Variants in FAM241A observed in about 807,000 individuals in gnomAD.
The protein encoded by FAM241A is uncharacterized protein FAM241A.
Under a neutral mutation model 12.2 loss-of-function variants are expected in FAM241A, and 7 were observed. The ratio of observed to expected loss-of-function variants is 0.58; its 90% CI spans 0.33 to 1.08. The LOEUF (loss-of-function observed/expected upper bound fraction) is 1.08, where lower values mean the gene tolerates loss of function less well. FAM241A is among the 50% of genes least tolerant of loss of function. The pLI, the probability that FAM241A is intolerant of heterozygous loss-of-function variation, is 0.04. For synonymous variants in FAM241A, 74 were observed against 68.2 expected (o/e 1.08, Z -0.42); for missense variants, 161 against 169.7 (o/e 0.95, Z 0.29).
chr4:112,183,944 G>C (rs931620889), intron 1 of FAM241A, among the ~76,000 whole-genome samples: 5 of 151,864 alleles, frequency 3.3e-5, no homozygotes, highest in Non-Finnish European at 5.9e-5. Flanking sequence ...AATTGACCCA[G>C]TCATAATATA....
Position 112,190,389 on chromosome 4 carries a change from G to A in FAM241A, c.*3451G>A, listed in dbSNP as rs1165216460. 1 of 152,034 alleles carries A rather than the reference G, an allele frequency of 6.6e-6. No homozygotes were observed. The highest frequency in any genetic ancestry group is 1.5e-5 in the Non-Finnish European group (1 of 68,000). The allele number at this position is 152,034 out of a possible 1,614,324, so 9.4% of individuals were successfully genotyped here. A position where few individuals can be genotyped will look rare whatever the true frequency, so the allele number is the denominator to read the frequency against. Reference sequence around the variant, plus strand: ...TACAATTGAAGGGAGAAAAAAAAATGTAAGACGGCCAGGCGCGGTGGCTCA... The same window carrying A: ...TACAATTGAAGGGAGAAAAAAAAATATAAGACGGCCAGGCGCGGTGGCTCA... On this transcript the variant is annotated 3_prime_UTR_variant, in exon 2 of 2. Transcript: ENST00000309733.
chr4:112,171,738 A>G (rs1723725634), intron 1 of FAM241A, among the ~76,000 whole-genome samples: 1 of 152,142 alleles, frequency 6.6e-6, no homozygotes, highest in South Asian at 2.1e-4. Flanking sequence ...GGGCGCCTGT[A>G]GTCCCAGCTA....
At chr4:112,148,831 CATTAT>C (rs1723190139) in intron 1 of FAM241A, among the ~76,000 whole-genome samples, 1 of 152,154 alleles carries the variant, frequency 6.6e-6, no homozygotes, top group African/African-American at 2.4e-5. Flanking sequence ...ATCTCTAGTC[CATTAT>C]TATATGCCTT....
At chr4:112,156,359 C>G (rs555566467) in intron 1 of FAM241A, among the ~76,000 whole-genome samples, 1 of 152,220 alleles carries the variant, frequency 6.6e-6, no homozygotes, top group Non-Finnish European at 1.5e-5. Flanking sequence ...ACCTCCCACC[C>G]CATAATCCTC....
Position 112,145,616 on chromosome 4 carries a change from C to T in FAM241A, c.36C>T (p.Asp12=). 8.1e-7 allele frequency: 1 copy of T among 1,232,022 alleles called. No individual in the cohort carries two copies. The highest frequency in any genetic ancestry group is 1.0e-6 in the Non-Finnish European group (1 of 986,642). The allele number at this position is 1,232,022 out of a possible 1,614,324, so 76.3% of individuals were successfully genotyped here. Residue 12 remains aspartate, a synonymous_variant, in exon 1 of 2, where the codon GAC becomes GAT. Coordinates refer to ENST00000309733, the MANE Select transcript of FAM241A (RefSeq NM_152400.3). ...CSAGELLRGG[D]GGERDEDGDA... is the part of the protein sequence containing the mutation. ...CCGGGGAGCTGCTGCGGGGCGGCGA[C>T]GGCGGGGAACGCGACGAGGACGGGG...
intron 1 of FAM241A, among the ~76,000 whole-genome samples, chr4:112,181,242 C>T (rs1422398851): frequency 6.6e-6 from 1 of 151,818 alleles, no homozygotes; most frequent in African/African-American, 2.4e-5. Context: ...AGAAATACTG[C>T]TAATCCCATA....
At chr4:112,160,933 T>C (rs2110424289) in intron 1 of FAM241A, among the ~76,000 whole-genome samples, 1 of 152,296 alleles carries the variant, frequency 6.6e-6, no homozygotes, top group Non-Finnish European at 1.5e-5. Context: ...GACTGAAATT[T>C]AACATCTCAA....
intron 1 of FAM241A, among the ~76,000 whole-genome samples, chr4:112,152,663 G>A (rs913153514): frequency 1.3e-5 from 2 of 151,608 alleles, no homozygotes; most frequent in African/African-American, 2.4e-5. Context: ...CCCTCCCCAC[G>A]CATCTCAACC....
intron 1 of FAM241A, among the ~76,000 whole-genome samples, chr4:112,156,434 T>C (rs960367226): frequency 6.6e-6 from 1 of 152,204 alleles, no homozygotes; most frequent in Admixed American, 6.5e-5. Flanking sequence ...TCTTCCTTGT[T>C]AATATGTTTA....
intron 1 of FAM241A, among the ~76,000 whole-genome samples, chr4:112,148,100 A>G (rs1332802661): frequency 6.6e-6 from 1 of 152,056 alleles, no homozygotes; most frequent in Non-Finnish European, 1.5e-5. Flanking sequence ...AATTTTCTGT[A>G]TTAAGTCCCT....
At chr4:112,177,480 C>T (rs1723846416) in intron 1 of FAM241A, among the ~76,000 whole-genome samples, 1 of 152,078 alleles carries the variant, frequency 6.6e-6, no homozygotes, top group African/African-American at 2.4e-5. Flanking sequence ...CTTTCAATTA[C>T]TAAGTATAGG....
At chr4:112,171,522 C>G in intron 1 of FAM241A, 1 of 764,174 alleles carries the variant, frequency 1.3e-6, no homozygotes, top group Non-Finnish European at 2.4e-6. Flanking sequence ...CCAAGTGATT[C>G]AGTTCTAAGT....
At chr4:112,156,003 C>G (rs796211904) in intron 1 of FAM241A, among the ~76,000 whole-genome samples, 3 of 152,232 alleles carry the variant, frequency 2.0e-5, no homozygotes, top group African/African-American at 7.2e-5. Flanking sequence ...AGTTGAGATT[C>G]AAACCCATGC....
At chr4:112,178,099 G>A (rs1560584993) in intron 1 of FAM241A, among the ~76,000 whole-genome samples, 1 of 152,060 alleles carries the variant, frequency 6.6e-6, no homozygotes, top group Non-Finnish European at 1.5e-5. Context: ...CCCTTAGTGG[G>A]TTCAAAGCTA....
intron 1 of FAM241A, among the ~76,000 whole-genome samples, chr4:112,166,423 A>C (rs1475769683): frequency 6.6e-6 from 1 of 152,118 alleles, no homozygotes; most frequent in Non-Finnish European, 1.5e-5. Flanking sequence ...TGTTTATTCT[A>C]CTTCCCTTTA....
rs1374399229 is a variant in FAM241A, at chr4:112,190,926, C to G, written c.*3988C>G. 4 of 152,246 alleles carry G rather than the reference C, an allele frequency of 2.6e-5. No homozygotes were observed. The highest frequency in any genetic ancestry group is 2.6e-4 in the Admixed American group (4 of 15,284). 9.4% of individuals were successfully genotyped at this position (152,246 alleles called of 1,614,324 possible). A position where few individuals can be genotyped will look rare whatever the true frequency, so the allele number is the denominator to read the frequency against. On this transcript the variant is annotated 3_prime_UTR_variant, in exon 2 of 2. Transcript: ENST00000309733. ...GGCAATGTCACCACTCCCGTGGCTG[C>G]AGAGTTACCATTTGCATCCTAACAG...
intron 1 of FAM241A, among the ~76,000 whole-genome samples, chr4:112,169,162 CAG>C (rs1723665656): frequency 6.6e-6 from 1 of 152,154 alleles, no homozygotes; most frequent in Non-Finnish European, 1.5e-5. Context: ...ATTCTTTCAA[CAG>C]ATGCTGGCCA....
At chr4:112,178,624 C>T (rs926290230) in intron 1 of FAM241A, among the ~76,000 whole-genome samples, 4 of 152,042 alleles carry the variant, frequency 2.6e-5, no homozygotes, top group Admixed American at 6.6e-5. Flanking sequence ...GCAACAAGAA[C>T]AAAAATTGAC....
intron 1 of FAM241A, among the ~76,000 whole-genome samples, chr4:112,157,521 A>G (rs1270878393): frequency 6.6e-6 from 1 of 152,118 alleles, no homozygotes; most frequent in Non-Finnish European, 1.5e-5. Flanking sequence ...TAGCAGGGAT[A>G]TGTATGTCTC....
Sources: gnomAD v4.1 joint callset for allele counts (sites outside exome capture counted in the v4.1 genomes callset) on GRCh38, gnomAD v4.1.1 for gene constraint, MANE v1.5 for transcripts, NCBI Gene and HGNC (gene_info 2026-07-23, HGNC 2026-07-21) for gene names.